Variants in DLG2 observed in about 807,000 individuals in gnomAD.
The protein encoded by DLG2 is disks large homolog 2.
Under a neutral mutation model 132.5 loss-of-function variants are expected in DLG2, and 45 were observed. The observed-to-expected ratio is 0.34, with a 90% CI of 0.27 to 0.44. The LOEUF (loss-of-function observed/expected upper bound fraction) is 0.44. Ranked by LOEUF, DLG2 falls within the 20% of genes least tolerant of loss-of-function variation. The pLI, the probability that DLG2 is intolerant of heterozygous loss-of-function variation, is 1.00. For missense variants in DLG2, 1,045 were observed against 1,196.9 expected, an observed-to-expected ratio of 0.87 and a Z score of 1.87; for synonymous variants, 424 against 419.6, an observed-to-expected ratio of 1.01 and a Z score of -0.13.
chr11:84,515,786 T>C (rs2099270966), intron 7 of DLG2, among the ~76,000 whole-genome samples: 1 of 151,842 alleles, frequency 6.6e-6, no homozygotes, highest in Non-Finnish European at 1.5e-5. Flanking sequence ...AGGATATACA[T>C]CTTTTTTAAG....
chr11:84,148,211 T>G (rs972763745), intron 9 of DLG2, among the ~76,000 whole-genome samples: 1 of 152,176 alleles, frequency 6.6e-6, no homozygotes, highest in African/African-American at 2.4e-5. Context: ...ATTTTACAAA[T>G]TATAATTTTT....
At chr11:84,823,808 G>A (rs1043553115) in intron 6 of DLG2, among the ~76,000 whole-genome samples, 1 of 151,718 alleles carries the variant, frequency 6.6e-6, no homozygotes, top group South Asian at 2.1e-4. Context: ...GCTCATAGTA[G>A]ATACTCAATG....
chr11:85,610,748 G>A (rs1305411710), intron 2 of DLG2, among the ~76,000 whole-genome samples: 1 of 151,748 alleles, frequency 6.6e-6, no homozygotes, highest in Non-Finnish European at 1.5e-5. Flanking sequence ...TTTGCCTACA[G>A]CAGGTCGAAT....
rs183561745 is a variant in DLG2, at chr11:84,621,065, G to C, written c.358-86334C>G. Among the ~76,000 whole-genome samples the C allele has an allele frequency of 1.5e-3, 223 of 152,166 alleles. 3 individuals carry two copies. The highest frequency in any genetic ancestry group is 5.1e-3 in the African/African-American group (211 of 41,542). ...GACTTTTAAAAGCATTAATAAATGAGAAAAGCAAATTGCAGAAGGTGAAAG... is the reference window on the plus strand; with the variant it reads ...GACTTTTAAAAGCATTAATAAATGACAAAAGCAAATTGCAGAAGGTGAAAG... On this transcript the variant is annotated intron_variant, in intron 6 of 27. Transcript: ENST00000376104.
chr11:83,996,385 A>C (rs2094024777), intron 11 of DLG2, among the ~76,000 whole-genome samples: 2 of 152,224 alleles, frequency 1.3e-5, no homozygotes, highest in South Asian at 2.1e-4. Context: ...AATGTAAATT[A>C]GTACAACCAC....
intron 8 of DLG2, among the ~76,000 whole-genome samples, chr11:84,199,050 G>A (rs549605060): frequency 2.5e-4 from 38 of 152,224 alleles, no homozygotes; most frequent in African/African-American, 8.2e-4. Flanking sequence ...TTATTTGCAC[G>A]TCATAAAAAG....
intron 7 of DLG2, among the ~76,000 whole-genome samples, chr11:84,280,739 C>A (rs1289308633): frequency 1.3e-5 from 2 of 151,814 alleles, no homozygotes; most frequent in Non-Finnish European, 2.9e-5. Context: ...ACTCTGTCGC[C>A]CAGGCTGGAG....
intron 6 of DLG2, among the ~76,000 whole-genome samples, chr11:84,939,055 A>G (rs1440940738): frequency 1.3e-5 from 2 of 152,136 alleles, no homozygotes; most frequent in African/African-American, 4.8e-5. Flanking sequence ...ATAAAACAAT[A>G]TGATTATCTC....
intron 7 of DLG2, among the ~76,000 whole-genome samples, chr11:84,532,258 C>T (rs2099344652): frequency 6.6e-6 from 1 of 151,528 alleles, no homozygotes; most frequent in South Asian, 2.1e-4. Context: ...TACTTTCAGG[C>T]ATGATCCTAC....
intron 4 of DLG2, among the ~76,000 whole-genome samples, chr11:85,171,983 G>C (rs1383493064): frequency 6.6e-6 from 1 of 152,224 alleles, no homozygotes; most frequent in South Asian, 2.1e-4. Flanking sequence ...CCAGGGGGAA[G>C]TGGCCACTGT....
chr11:85,603,232 C>A (rs550291830), intron 2 of DLG2, among the ~76,000 whole-genome samples: 25 of 152,158 alleles, frequency 1.6e-4, no homozygotes, highest in Non-Finnish European at 3.2e-4. Flanking sequence ...ATATTTTAAT[C>A]CCCATTTTGT....
intron 7 of DLG2, among the ~76,000 whole-genome samples, chr11:84,477,987 A>G (rs1050064185): frequency 1.3e-5 from 2 of 152,182 alleles, no homozygotes; most frequent in African/African-American, 4.8e-5. Flanking sequence ...TATTAGCCCT[A>G]TATTATAAAT....
rs4944465 is a variant in DLG2 at position 84,117,958 on chromosome 11, C to A, written c.625-18911G>T. Among the ~76,000 whole-genome samples, 213 of 152,118 alleles carry A rather than the reference C, an allele frequency of 1.4e-3. 2 individuals carry two copies. Among genetic ancestry groups the A allele is most frequent in the Admixed American group, 0.011 (172 of 15,286 alleles). ...GTGGCCTCTGTCTCCCAGGTTCAAG[C>A]GATTCTCCTGCCTCAGCTTCCGGAG... On this transcript the variant is annotated intron_variant, in intron 9 of 27. Coordinates refer to ENST00000376104, the MANE Select transcript of DLG2 (RefSeq NM_001142699.3).
intron 7 of DLG2, among the ~76,000 whole-genome samples, chr11:84,333,616 C>A (rs549273957): frequency 6.6e-6 from 1 of 152,204 alleles, no homozygotes; most frequent in African/African-American, 2.4e-5. Flanking sequence ...TCCTTAACTG[C>A]GAATGAAGAA....
intron 6 of DLG2, among the ~76,000 whole-genome samples, chr11:84,653,019 C>A (rs1432910704): frequency 2.0e-5 from 3 of 151,540 alleles, no homozygotes; most frequent in Non-Finnish European, 2.9e-5. Context: ...GCAACCTCTA[C>A]CTCCCGGGTC....
intron 7 of DLG2, among the ~76,000 whole-genome samples, chr11:84,367,102 A>G (rs1018122388): frequency 6.6e-6 from 1 of 152,172 alleles, no homozygotes; most frequent in Non-Finnish European, 1.5e-5. Flanking sequence ...AATAGAAATT[A>G]TAACAAACTA....
intron 4 of DLG2, among the ~76,000 whole-genome samples, chr11:85,203,697 G>C (rs2081635758): frequency 6.6e-6 from 1 of 152,040 alleles, no homozygotes; most frequent in Non-Finnish European, 1.5e-5. Context: ...TATGAGGCCA[G>C]CATTACCCTA....
chr11:85,020,149 T>G (rs983808041), intron 6 of DLG2, among the ~76,000 whole-genome samples: 5 of 152,210 alleles, frequency 3.3e-5, no homozygotes, highest in Non-Finnish European at 5.9e-5. Flanking sequence ...GACTTTTTAA[T>G]GATTGCCATT....
intron 7 of DLG2, among the ~76,000 whole-genome samples, chr11:84,502,055 T>C (rs898690679): frequency 6.6e-6 from 1 of 151,798 alleles, no homozygotes; most frequent in Non-Finnish European, 1.5e-5. Flanking sequence ...TCTTTTCTTT[T>C]CTTTTTTTCT....
Sources: allele counts gnomAD v4.1 joint callset (sites outside exome capture counted in the v4.1 genomes callset), GRCh38; gene constraint gnomAD v4.1.1; transcripts MANE v1.5; gene names NCBI Gene and HGNC (gene_info 2026-07-23, HGNC 2026-07-21).